DHRS7: variants seen among roughly 807,000 people sequenced by gnomAD.
The protein encoded by DHRS7 is dehydrogenase/reductase 7.
A neutral mutation model predicts 38.9 loss-of-function variants in DHRS7; 34 were observed. The ratio of observed to expected loss-of-function variants is 0.87; its 90% CI spans 0.66 to 1.16. The LOEUF (loss-of-function observed/expected upper bound fraction) is 1.16, where lower values mean the gene tolerates loss of function less well. Ranked by LOEUF, DHRS7 falls within the 50% of genes most tolerant of loss-of-function variation. DHRS7 has a pLI of 0.00. For synonymous variants in DHRS7, 158 were observed against 153.1 expected, an observed-to-expected ratio of 1.03 and a Z score of -0.24; for missense variants, 421 against 407.0, an observed-to-expected ratio of 1.03 and a Z score of -0.30.
Position 60,154,052 on chromosome 14 carries a change from T to C in DHRS7, c.300A>G (p.Leu100=). The C allele has an allele frequency of 6.2e-7, 1 of 1,613,736 alleles. No homozygotes were observed. Among genetic ancestry groups the C allele is most frequent in the Non-Finnish European group, 8.5e-7 (1 of 1,179,706 alleles). Residue 100 remains leucine (L), a synonymous_variant, in exon 3 of 7, where the codon TTA becomes TTG. Transcript: ENST00000557185. ...VKRRCLENGN[L]KEKDILVLPL... Reference sequence around the variant, plus strand: ...GCAAAACAAGTATATCTTTTTCTTTTAAATTGCCATTCTCTAAATAAAGAC... The same window carrying C: ...GCAAAACAAGTATATCTTTTTCTTTCAAATTGCCATTCTCTAAATAAAGAC...
chr14:60,144,800 TC>T lies in DHRS7; in HGVS notation c.*165del, dbSNP rs1387135628. Reference sequence around the variant, plus strand: ...ACCTTTTTTGCAAGATTCATGGCAATCTTTTATTATTTATTTTTTATTTCAT... The same window carrying T: ...ACCTTTTTTGCAAGATTCATGGCAATTTTTATTATTTATTTTTTATTTCAT... On this transcript the variant is annotated 3_prime_UTR_variant, in exon 7 of 7. Transcript: ENST00000557185. The T allele has an allele frequency of 2.5e-5, 16 of 636,664 alleles. No homozygotes were observed. The African/African-American group carries it at 2.6e-4, about 11-fold the overall frequency. 39.4% of individuals were successfully genotyped at this position (636,664 alleles called of 1,614,324 possible).
chr14:60,159,124 G>A, intron 1 of DHRS7: 1 of 413,178 alleles, frequency 2.4e-6, no homozygotes, highest in Non-Finnish European at 4.9e-6. Flanking sequence ...AAAATCATTT[G>A]GAATTGGAGG....
intron 1 of DHRS7, among the ~76,000 whole-genome samples, chr14:60,157,241 G>C (rs1896677743): frequency 6.6e-6 from 1 of 152,156 alleles, no homozygotes; most frequent in South Asian, 2.1e-4. Context: ...ATGCTCCCAG[G>C]TGAGAACTTG....
chr14:60,166,854 A>T (rs576265851), upstream of DHRS7, among the ~76,000 whole-genome samples: 3 of 152,202 alleles, frequency 2.0e-5, no homozygotes, highest in South Asian at 6.2e-4. Context: ...AAGAGTCTGG[A>T]ATACATAGCT....
chr14:60,153,184 TAAATA>T lies in DHRS7; in HGVS notation c.394-11_394-7del, dbSNP rs772037175. On this transcript the variant is annotated splice_polypyrimidine_tract_variant and splice_region_variant and intron_variant, in intron 3 of 6. Transcript: ENST00000557185. This position sits in a 1 kb window ranked among gnomAD's most constrained non-coding sequence, Gnocchi z 4.4. ...TTGTTGACCAGAATGTCGATCTAGTTAAATAAAATCAGAAAAGGGGTGTTTGGGGG... is the reference window on the plus strand; with the variant it reads ...TTGTTGACCAGAATGTCGATCTAGTTAAATCAGAAAAGGGGTGTTTGGGGG... The T allele has an allele frequency of 2.5e-6, 4 of 1,613,764 alleles. No homozygotes were observed. In the South Asian group the frequency reaches 3.3e-5, roughly 13 times the overall value.
At chr14:60,154,178 G>A in intron 2 of DHRS7, 113 bp from the exon 3 acceptor site, 1 of 748,058 alleles carries the variant, frequency 1.3e-6, no homozygotes, top group Non-Finnish European at 2.2e-6. Flanking sequence ...TCATTTCTGG[G>A]TGGCCCTGTG....
chr14:60,156,228 A>AG, intron 1 of DHRS7, 76 bp from the exon 2 acceptor site: 2 of 1,350,584 alleles, frequency 1.5e-6, no homozygotes, highest in East Asian at 2.6e-5. Flanking sequence ...AGAAAAAAAA[A>AG]AGAAAGCCTT....
At position 60,154,018 on chromosome 14, in the gene DHRS7, G is replaced by C; in HGVS notation, c.334C>G (p.Leu112Val). 6.2e-7 allele frequency: 1 copy of C among 1,614,096 alleles called. No homozygotes were observed. Among genetic ancestry groups the C allele is most frequent in the Non-Finnish European group, 8.5e-7 (1 of 1,179,972 alleles). Reference protein sequence around the residue: ...EKDILVLPLDLTDTGSHEAAT... With the variant: ...EKDILVLPLDVTDTGSHEAAT... ...GCTTCATGGGAACCAGTGTCGGTCA[G>C]GTCAAGGGGCAAAACAAGTATATCT... is the stretch of plus-strand genomic sequence containing the variant. The change falls in exon 3 of 7, where the codon CTG becomes GTG. Residue 112 changes from leucine to valine, a missense_variant. By Grantham distance (32) the Leu-to-Val change is conservative. Coordinates refer to ENST00000557185, the MANE Select transcript of DHRS7 (RefSeq NM_016029.4).
At chr14:60,155,404 ACAC>A (rs1366036252) in intron 2 of DHRS7, among the ~76,000 whole-genome samples, 1 of 152,196 alleles carries the variant, frequency 6.6e-6, no homozygotes, top group African/African-American at 2.4e-5. Context: ...AGCCAAGATC[ACAC>A]CATTGTACTC....
Position 60,152,998 on chromosome 14 carries a change from G to C in DHRS7, c.574C>G (p.Leu192Val). 6.2e-7 allele frequency: 1 copy of C among 1,614,136 alleles called. No homozygotes were observed. Residue 192 changes from leucine to valine, a missense_variant, in exon 4 of 7, where the codon CTG becomes GTG. Physicochemically the swap from Leu to Val is conservative, Grantham distance 32. Transcript: ENST00000557185. ...QGKIVTVNSILGIISVPLSIG... is the reference protein window; with the variant it reads ...QGKIVTVNSIVGIISVPLSIG... ...GAAAGAGGTACAGATATGATACCCAGGATGCTATTCACAGTAACAATCTTT... is the reference window on the plus strand; with the variant it reads ...GAAAGAGGTACAGATATGATACCCACGATGCTATTCACAGTAACAATCTTT...
chr14:60,150,615 G>C (rs376663), intron 4 of DHRS7, among the ~76,000 whole-genome samples: 41,387 of 151,986 alleles, frequency 0.27, 7,660 homozygotes, highest in African/African-American at 0.52. Flanking sequence ...TGGTTTCTAG[G>C]TTCATCCATG....
At chr14:60,155,796 C>CA (rs1326473028) in intron 2 of DHRS7, 3 of 395,732 alleles carry the variant, frequency 7.6e-6, no homozygotes, top group Non-Finnish European at 4.3e-6. Context: ...AGAGTCAGTG[C>CA]AAAAAAAGCA....
At chr14:60,169,157 AAAAAC>A (rs1896903794), upstream of DHRS7, 2 of 150,122 alleles carry the variant, frequency 1.3e-5, no homozygotes, top group Admixed American at 6.6e-5. Flanking sequence ...AAAAAAAAAA[AAAAAC>A]CATTGCACCA....
chr14:60,169,151 A>AAAAAAAAAAC, upstream of DHRS7: 3 of 149,882 alleles, frequency 2.0e-5, no homozygotes, highest in African/African-American at 7.8e-5. Context: ...AAAAAAAAAA[A>AAAAAAAAAAC]AAAAAAAAAA....
chr14:60,157,385 A>G (rs888697843), intron 1 of DHRS7, among the ~76,000 whole-genome samples: 5 of 152,230 alleles, frequency 3.3e-5, no homozygotes, highest in African/African-American at 7.2e-5. Context: ...ATAAACGTCA[A>G]TTATAATTAT....
At chr14:60,164,869 C>CA (rs1334193683) in intron 1 of DHRS7, among the ~76,000 whole-genome samples, 1 of 152,212 alleles carries the variant, frequency 6.6e-6, no homozygotes, top group Non-Finnish European at 1.5e-5. Flanking sequence ...CGTAAGATGT[C>CA]AGAGTCCTCA....
intron 4 of DHRS7, 117 bp from the exon 5 acceptor site, chr14:60,150,304 A>C: frequency 1.0e-6 from 1 of 973,674 alleles, no homozygotes. Flanking sequence ...GTAATCATGC[A>C]AGCTTATTAG....
chr14:60,151,969 C>A (rs558812990), intron 4 of DHRS7, among the ~76,000 whole-genome samples: 47 of 152,284 alleles, frequency 3.1e-4, no homozygotes, highest in Middle Eastern at 3.4e-3. Flanking sequence ...CCCAACTGCT[C>A]CACAGGAAGT....
chr14:60,160,199 G>A (rs190453292), intron 1 of DHRS7, among the ~76,000 whole-genome samples: 205 of 152,158 alleles, frequency 1.3e-3, no homozygotes, highest in Admixed American at 3.2e-3. Context: ...GGTGGTGGGT[G>A]CCTGTAATCC....
Sources: gnomAD v4.1 joint callset for allele counts (sites outside exome capture counted in the v4.1 genomes callset) on GRCh38, gnomAD v4.1.1 for gene constraint, Gnocchi (gnomAD v3.1) non-coding constraint, MANE v1.5 for transcripts, NCBI Gene and HGNC (gene_info 2026-07-23, HGNC 2026-07-21) for gene names.